Variants in MFHAS1 observed in about 807,000 individuals in gnomAD.
MFHAS1 encodes the protein multifunctional ROCO family signaling regulator 1.
A neutral mutation model predicts 70.4 loss-of-function variants in MFHAS1; 50 were observed. That is an observed-to-expected ratio of 0.71 (90% CI 0.57 to 0.90). The LOEUF (loss-of-function observed/expected upper bound fraction) is 0.90. MFHAS1 is among the 40% of genes least tolerant of loss of function. The pLI is 0.00. For synonymous variants in MFHAS1, 952 were observed against 620.0 expected (o/e 1.54, Z -7.96); for missense variants, 1,795 against 1,347.6 (o/e 1.33, Z -5.20).
chr8:8,840,336 C>T (rs921740323), intron 1 of MFHAS1, among the ~76,000 whole-genome samples: 1 of 151,896 alleles, frequency 6.6e-6, no homozygotes, highest in African/African-American at 2.4e-5. Flanking sequence ...ACACACCTGT[C>T]GTCCCAGCTA....
chr8:8,889,566 T>C (rs924831234), intron 1 of MFHAS1, among the ~76,000 whole-genome samples: 19 of 152,222 alleles, frequency 1.2e-4, no homozygotes, highest in Non-Finnish European at 2.9e-5. Flanking sequence ...TATCAAAACA[T>C]CTCATGCACC....
intron 1 of MFHAS1, among the ~76,000 whole-genome samples, chr8:8,885,951 C>T (rs1360414690): frequency 6.6e-6 from 1 of 152,138 alleles, no homozygotes; most frequent in Non-Finnish European, 1.5e-5. Flanking sequence ...ATGGAGAAAG[C>T]AGGTCAAGAC....
At chr8:8,876,394 T>C (rs570848676) in intron 1 of MFHAS1, among the ~76,000 whole-genome samples, 10 of 152,236 alleles carry the variant, frequency 6.6e-5, no homozygotes, top group East Asian at 1.9e-4. Flanking sequence ...CTTTGATAAG[T>C]TGGCAGGCAA....
intron 1 of MFHAS1, among the ~76,000 whole-genome samples, chr8:8,844,278 G>A (rs1460020232): frequency 6.6e-6 from 1 of 152,168 alleles, no homozygotes; most frequent in Non-Finnish European, 1.5e-5. Context: ...GTTAATCATT[G>A]TCTCAATATT....
chr8:8,890,444 C>A lies in MFHAS1; in HGVS notation c.2615G>T (p.Gly872Val). Residue 872 changes from glycine to valine, a missense_variant, in exon 1 of 3, where the codon GGG becomes GTG. Gly to Val is a moderately radical substitution (Grantham distance 109). Transcript: ENST00000276282. ...CAACTGCTCAGCCACAAAAGACTGCCCAGCTAGGTTGGTCCCATTAATCCA... is the reference window on the plus strand; with the variant it reads ...CAACTGCTCAGCCACAAAAGACTGCACAGCTAGGTTGGTCCCATTAATCCA... ...EAWINGTNLA[G>V]QSFVAEQLQI... 1.2e-6 allele frequency: 2 copies of A among 1,613,912 alleles called. No homozygotes were observed. The highest frequency in any genetic ancestry group is 1.3e-5 in the African/African-American group (1 of 75,052).
chr8:8,788,250 C>T (rs1280322184), intron 2 of MFHAS1, among the ~76,000 whole-genome samples: 2 of 152,336 alleles, frequency 1.3e-5, no homozygotes, highest in South Asian at 2.1e-4. Flanking sequence ...CCTCAACACC[C>T]GGCCCAATGC....
rs752733842 is a variant in MFHAS1, at chr8:8,852,470, AACACAC to A, written c.2998+37585_2998+37590del. ...AGCAACAAAGCGAGACCCTCTCTCA[AACACAC>A]ACACACACACACACACATACACACA... On this transcript the variant is annotated intron_variant, in intron 1 of 2. Coordinates refer to ENST00000276282, the MANE Select transcript of MFHAS1 (RefSeq NM_004225.3). 6.3e-5 allele frequency among the ~76,000 whole-genome samples: 8 copies of A among 127,780 alleles called. No individual in the cohort carries two copies. In the East Asian group the frequency reaches 1.2e-3, roughly 20 times the overall value. The allele number at this position is 127,780 out of a possible 152,430, so 83.8% of individuals were successfully genotyped here.
rs371321976 is a variant in MFHAS1 at position 8,874,144 on chromosome 8, A to G, written c.2998+15917T>C. ...CTAATTGCATCTCAAGAGTGTTCCG[A>G]GCACAGAGAGGGATTATTAACCCTG... is the stretch of plus-strand genomic sequence containing the variant. On this transcript the variant is annotated intron_variant, in intron 1 of 2. Transcript: ENST00000276282. Among the ~76,000 whole-genome samples the G allele has an allele frequency of 2.5e-4, 38 of 152,228 alleles. No homozygotes were observed. In the South Asian group the frequency reaches 3.9e-3, roughly 16 times the overall value.
At chr8:8,830,471 T>C (rs540190508) in intron 1 of MFHAS1, among the ~76,000 whole-genome samples, 3 of 152,130 alleles carry the variant, frequency 2.0e-5, no homozygotes, top group Non-Finnish European at 4.4e-5. Context: ...CATCTAAAAT[T>C]ACAGGTTATT....
chr8:8,851,020 G>C (rs1808230667), intron 1 of MFHAS1, among the ~76,000 whole-genome samples: 1 of 152,074 alleles, frequency 6.6e-6, no homozygotes, highest in South Asian at 2.1e-4. Context: ...TTCCTCCTTA[G>C]TGAATCTCCT....
intron 1 of MFHAS1, among the ~76,000 whole-genome samples, chr8:8,830,426 G>C (rs966745361): frequency 6.6e-6 from 1 of 152,142 alleles, no homozygotes; most frequent in Non-Finnish European, 1.5e-5. Flanking sequence ...AATCAGGGCA[G>C]AGAATACAAG....
chr8:8,889,756 G>A (rs1393696171), intron 1 of MFHAS1, among the ~76,000 whole-genome samples: 1 of 152,186 alleles, frequency 6.6e-6, no homozygotes, highest in African/African-American at 2.4e-5. Context: ...TCAACCACCT[G>A]AAATTTCCTT....
intron 1 of MFHAS1, among the ~76,000 whole-genome samples, chr8:8,869,192 T>G (rs1349626300): frequency 1.3e-5 from 2 of 152,110 alleles, no homozygotes; most frequent in Non-Finnish European, 2.9e-5. Flanking sequence ...AAGTTGATAA[T>G]GAAAAATCAA....
chr8:8,790,985 C>T (rs909702283), intron 2 of MFHAS1, among the ~76,000 whole-genome samples: 4 of 152,128 alleles, frequency 2.6e-5, no homozygotes, highest in Admixed American at 1.3e-4. Context: ...AATGGGAACT[C>T]TACAGTATAG....
chr8:8,829,911 G>C (rs1807317088), intron 1 of MFHAS1, among the ~76,000 whole-genome samples: 1 of 152,218 alleles, frequency 6.6e-6, no homozygotes, highest in Non-Finnish European at 1.5e-5. Flanking sequence ...CAGATGGTCT[G>C]CTGGGAAGAC....
At chr8:8,806,587 C>T (rs9329167) in intron 1 of MFHAS1, among the ~76,000 whole-genome samples, 94,369 of 152,060 alleles carry the variant, frequency 0.62, 29,870 homozygotes, top group East Asian at 0.78. Context: ...TTAACCCTGA[C>T]ACTATACAAA....
At chr8:8,839,133 T>C (rs1309848057) in intron 1 of MFHAS1, among the ~76,000 whole-genome samples, 2 of 152,112 alleles carry the variant, frequency 1.3e-5, no homozygotes, top group Non-Finnish European at 2.9e-5. Context: ...GGATATTACT[T>C]AGTATTATAA....
chr8:8,804,011 T>C (rs1806186490), intron 1 of MFHAS1, among the ~76,000 whole-genome samples: 1 of 152,112 alleles, frequency 6.6e-6, no homozygotes, highest in Non-Finnish European at 1.5e-5. Context: ...TCCGGGAGGA[T>C]GTTCGTAGGT....
chr8:8,845,628 C>CT (rs549011949), intron 1 of MFHAS1, among the ~76,000 whole-genome samples: 36 of 152,198 alleles, frequency 2.4e-4, no homozygotes, highest in African/African-American at 8.4e-4. Context: ...CTGAATTTTC[C>CT]TTTTTTTGAC....
Sources: allele counts gnomAD v4.1 joint callset (sites outside exome capture counted in the v4.1 genomes callset), GRCh38; gene constraint gnomAD v4.1.1; transcripts MANE v1.5; gene names NCBI Gene and HGNC (gene_info 2026-07-23, HGNC 2026-07-21).